SLC25A19: variants seen among roughly 807,000 people sequenced by gnomAD.
SLC25A19 encodes the protein mitochondrial thiamine pyrophosphate carrier.
Under a neutral mutation model 27.9 loss-of-function variants are expected in SLC25A19, and 18 were observed. The observed-to-expected ratio is 0.64, with a 90% CI of 0.45 to 0.96. The LOEUF is 0.96. Ranked by LOEUF, SLC25A19 falls within the 40% of genes least tolerant of loss-of-function variation. SLC25A19 has a pLI of 0.00. For missense variants in SLC25A19, 371 were observed against 418.3 expected (o/e 0.89, Z 0.99); for synonymous variants, 169 against 167.1 (o/e 1.01, Z -0.09).
Position 75,283,486 on chromosome 17 carries a change from G to T in SLC25A19, c.396C>A (p.Ala132=). The T allele has an allele frequency of 6.2e-7, 1 of 1,613,284 alleles. No individual in the cohort carries two copies. The highest frequency in any genetic ancestry group is 2.2e-5 in the East Asian group (1 of 44,874). ...CATCCACGGGGTGCACAGTGAGGGT[G>T]GCCATACAGGCAGCCAGGCCACCAC... is the stretch of plus-strand genomic sequence containing the variant. ...FVCGGLAACM[A]TLTVHPVDVL... Residue 132 remains alanine (A), a synonymous_variant, in exon 5 of 8, where the codon GCC becomes GCA. Transcript: ENST00000416858.
intron 7 of SLC25A19, 106 bp downstream of exon 7, chr17:75,277,247 T>A: frequency 6.8e-7 from 1 of 1,462,818 alleles, no homozygotes; most frequent in Non-Finnish European, 9.3e-7. Flanking sequence ...GAAGGGGCCA[T>A]GGCCAGGGGT....
intron 7 of SLC25A19, among the ~76,000 whole-genome samples, chr17:75,276,683 A>AT (rs1047743139): frequency 8.0e-5 from 11 of 137,782 alleles, no homozygotes; most frequent in Non-Finnish European, 1.1e-4. Context: ...CTCTGGACAT[A>AT]TTTTTTTTTG....
intron 6 of SLC25A19, 99 bp from the exon 7 acceptor site, chr17:75,277,582 A>C: frequency 7.1e-7 from 1 of 1,416,694 alleles, no homozygotes; most frequent in Non-Finnish European, 9.9e-7. Context: ...CCACAAACCA[A>C]ACCCCACAAG....
chr17:75,273,990 G>C, intron 7 of SLC25A19: 1 of 326,296 alleles, frequency 3.1e-6, no homozygotes, highest in Non-Finnish European at 6.0e-6. Context: ...TTGAACTCCT[G>C]ACCTCAGGTG....
intron 5 of SLC25A19, among the ~76,000 whole-genome samples, chr17:75,280,962 A>C (rs2078025446): frequency 1.3e-5 from 2 of 149,176 alleles, no homozygotes; most frequent in South Asian, 2.2e-4. Context: ...AAAAAAAAAA[A>C]AAAACCAGGA....
chr17:75,280,880 G>C (rs1219100138), intron 5 of SLC25A19, among the ~76,000 whole-genome samples: 2 of 148,130 alleles, frequency 1.4e-5, no homozygotes, highest in Non-Finnish European at 3.0e-5. Context: ...CGGTCACAGT[G>C]AGCTGAGATT....
Position 75,289,368 on chromosome 17 carries a change from G to C in SLC25A19, c.-143C>G, listed in dbSNP as rs893657005. 6.6e-6 allele frequency: 1 copy of C among 151,830 alleles called. No homozygotes were observed. The highest frequency in any genetic ancestry group is 6.6e-5 in the Admixed American group (1 of 15,258). 9.4% of individuals were successfully genotyped at this position (151,830 alleles called of 1,614,324 possible). Reference sequence around the variant, plus strand: ...AGGTTACTCACACGGCTCGGCGGGTGCGGCCCGGCTCAGCGCTCTCCGCTC... The same window carrying C: ...AGGTTACTCACACGGCTCGGCGGGTCCGGCCCGGCTCAGCGCTCTCCGCTC... On this transcript the variant is annotated 5_prime_UTR_variant, in exon 1 of 8. Transcript: ENST00000416858.
Position 75,283,512 on chromosome 17 carries a change from A to T in SLC25A19, c.370T>A (p.Cys124Ser). The part of the protein sequence containing the change: ...DAREFSVHFV[C>S]GGLAACMATL... Reference sequence around the variant, plus strand: ...GCCATACAGGCAGCCAGGCCACCACATACAAAGTGCACTGAGAATTCCCGG... The same window carrying T: ...GCCATACAGGCAGCCAGGCCACCACTTACAAAGTGCACTGAGAATTCCCGG... The change falls in exon 5 of 8, where the codon TGT becomes AGT. Residue 124 changes from cysteine (C) to serine (S), a missense_variant. By Grantham distance (112) the Cys-to-Ser change is moderately radical. Transcript: ENST00000416858. 6.2e-7 allele frequency: 1 copy of T among 1,613,800 alleles called. No individual in the cohort carries two copies. The highest frequency in any genetic ancestry group is 1.1e-5 in the South Asian group (1 of 90,992).
intron 7 of SLC25A19, among the ~76,000 whole-genome samples, chr17:75,275,463 C>A (rs1480592794): frequency 1.3e-5 from 2 of 152,076 alleles, no homozygotes; most frequent in Non-Finnish European, 2.9e-5. Context: ...TATTTTTTCA[C>A]ACCTCCGCAT....
Position 75,273,257 on chromosome 17 carries a change from G to A in SLC25A19, c.*194C>T. 2 of 614,004 alleles carry A rather than the reference G, an allele frequency of 3.3e-6. No individual in the cohort carries two copies. Among genetic ancestry groups the A allele is most frequent in the Non-Finnish European group, 2.9e-6 (1 of 349,006 alleles). The allele number at this position is 614,004 out of a possible 1,614,324, so 38.0% of individuals were successfully genotyped here. On this transcript the variant is annotated 3_prime_UTR_variant, in exon 8 of 8. Coordinates refer to ENST00000416858, the MANE Select transcript of SLC25A19 (RefSeq NM_001126121.2). ...GTTGGCTCACCATAGACCACGTCCT[G>A]CATTCCCTCTGATTCTCTCATGGGG...
At chr17:75,276,866 G>T (rs1412694901) in intron 7 of SLC25A19, among the ~76,000 whole-genome samples, 5 of 130,838 alleles carry the variant, frequency 3.8e-5, no homozygotes, top group Non-Finnish European at 8.1e-5. Context: ...TTTTTTTTTA[G>T]TAGAGATGGG....
intron 7 of SLC25A19, among the ~76,000 whole-genome samples, chr17:75,276,923 T>G (rs1339634245): frequency 6.6e-6 from 1 of 150,440 alleles, no homozygotes. Flanking sequence ...GACCTCGTGA[T>G]CCACCCACCT....
Position 75,278,351 on chromosome 17 carries a change from C to T in SLC25A19, c.460-16G>A. 6.2e-7 allele frequency: 1 copy of T among 1,614,050 alleles called. No homozygotes were observed. ...TATTATAGACCTGGACACACACACG[C>T]ACTTTGAATGAGCTCAGTGAAGTGG... On this transcript the variant is annotated splice_polypyrimidine_tract_variant and intron_variant, in intron 5 of 7. Transcript: ENST00000416858.
chr17:75,286,844 T>A (rs2078197186), intron 2 of SLC25A19, 42 bp from the exon 3 acceptor site: 2 of 1,577,340 alleles, frequency 1.3e-6, no homozygotes, highest in African/African-American at 1.4e-5. Context: ...GCAAGTTTCT[T>A]ATGGTCTCTG....
intron 7 of SLC25A19, among the ~76,000 whole-genome samples, chr17:75,274,910 T>G (rs1567832833): frequency 1.4e-5 from 2 of 139,682 alleles, no homozygotes; most frequent in East Asian, 2.4e-4. Context: ...TGAAAAGAAA[T>G]AAAACTACAC....
chr17:75,287,882 G>A (rs904104379), intron 2 of SLC25A19, among the ~76,000 whole-genome samples: 3 of 152,192 alleles, frequency 2.0e-5, no homozygotes, highest in Non-Finnish European at 4.4e-5. Context: ...CGTGGCTCAC[G>A]CCTGTAATCC....
At chr17:75,280,900 G>A (rs760086046) in intron 5 of SLC25A19, among the ~76,000 whole-genome samples, 24 of 143,916 alleles carry the variant, frequency 1.7e-4, no homozygotes, top group Non-Finnish European at 3.3e-4. Flanking sequence ...TGTGCCTCCA[G>A]ACTGGGCGAC....
In SLC25A19 at chr17:75,278,245, C is replaced by A. The variant is rs769187207; in HGVS notation, c.550G>T (p.Ala184Ser). The A allele has an allele frequency of 4.3e-6, 7 of 1,613,822 alleles. No individual in the cohort carries two copies. The highest frequency in any genetic ancestry group is 4.5e-5 in the East Asian group (2 of 44,886). ...FYKGLAPTLI[A>S]IFPYAGLQFS... ...TGCAGCCCGGCGTAGGGGAAGATGG[C>A]GATCAAGGTGGGAGCCAAGCCTTTG... The change falls in exon 6 of 8, where the codon GCC becomes TCC. Residue 184 changes from alanine to serine, a missense_variant. By Grantham distance (99) the Ala-to-Ser change is moderately conservative (BLOSUM62 1). Coordinates refer to ENST00000416858, the MANE Select transcript of SLC25A19 (RefSeq NM_001126121.2).
chr17:75,284,435 G>A (rs2078132753), intron 4 of SLC25A19, among the ~76,000 whole-genome samples: 1 of 152,086 alleles, frequency 6.6e-6, no homozygotes, highest in African/African-American at 2.4e-5. Flanking sequence ...TGAGAACAAT[G>A]TATATCAGAA....
Sources: allele counts gnomAD v4.1 joint callset (sites outside exome capture counted in the v4.1 genomes callset), GRCh38; gene constraint gnomAD v4.1.1; transcripts MANE v1.5; gene names NCBI Gene and HGNC (gene_info 2026-07-23, HGNC 2026-07-21).